Variants in NRROS observed in about 807,000 individuals in gnomAD.
NRROS encodes the protein negative regulator of reactive oxygen species.
In NRROS, 6 loss-of-function variants were observed where a neutral mutation model predicts 12.0. The observed-to-expected ratio is 0.50, with a 90% confidence interval of 0.27 to 0.98. NRROS has a LOEUF of 0.98. Among genes scored for constraint, NRROS ranks in the 50% least tolerant of loss-of-function variants. NRROS has a pLI of 0.11. For synonymous variants in NRROS, 462 were observed against 410.2 expected, an observed-to-expected ratio of 1.13 and a Z score of -1.53; for missense variants, 857 against 888.2, an observed-to-expected ratio of 0.96 and a Z score of 0.45.
At chr3:196,640,964 C>T (rs534555642) in intron 1 of NRROS, among the ~76,000 whole-genome samples, 1 of 152,312 alleles carries the variant, frequency 6.6e-6, no homozygotes, top group East Asian at 1.9e-4. Context: ...CACCTGCCGG[C>T]TGTGACACAC....
At chr3:196,652,072 C>T (rs528327278) in intron 1 of NRROS, among the ~76,000 whole-genome samples, 1 of 152,342 alleles carries the variant, frequency 6.6e-6, no homozygotes, top group Admixed American at 6.5e-5. Flanking sequence ...GAAGGCGCAG[C>T]TCTGGGGACA....
rs371259559 is a variant in NRROS, at chr3:196,659,990, G to C, written c.347G>C (p.Cys116Ser). ...HLRSLVLGDN[C>S]LSENYEETAA... is the part of the protein sequence containing the mutation. The stretch of plus-strand genomic sequence containing the variant: ...CGCAGCCTGGTCCTGGGGGACAACT[G>C]CCTCTCAGAGAACTACGAAGAGACG... Residue 116 changes from cysteine to serine, a missense_variant, in exon 3 of 3, where the codon TGC becomes TCC. Coordinates refer to ENST00000328557, the MANE Select transcript of NRROS (RefSeq NM_198565.3). The C allele has an allele frequency of 3.7e-5, 59 of 1,613,558 alleles. No individual in the cohort carries two copies. The highest frequency in any genetic ancestry group is 4.4e-5 in the Non-Finnish European group (52 of 1,179,868).
chr3:196,660,525 G>A lies in NRROS; in HGVS notation c.882G>A (p.Ser294=), dbSNP rs774225249. ...TCTACCGGGACCTGTACAACACCTC[G>A]TCGCCGAGGGAGATGGTGGCCCAGT... The part of the protein sequence containing the change: ...MGFYRDLYNT[S]SPREMVAQFL... Residue 294 remains serine, a synonymous_variant, in exon 3 of 3, where the codon TCG becomes TCA. Transcript: ENST00000328557. This position sits in a 1 kb window ranked among gnomAD's most constrained non-coding sequence, Gnocchi z 7.7. The A allele has an allele frequency of 6.5e-5, 105 of 1,613,956 alleles. No homozygotes were observed. The highest frequency in any genetic ancestry group is 1.9e-4 in the South Asian group (17 of 91,078).
intron 1 of NRROS, among the ~76,000 whole-genome samples, chr3:196,649,600 T>C (rs1436331127): frequency 6.6e-6 from 1 of 152,030 alleles, no homozygotes; most frequent in East Asian, 1.9e-4. Context: ...GCCTCCCGAG[T>C]AGCTGGGACT....
At chr3:196,657,566 G>T (rs527909623) in intron 2 of NRROS, among the ~76,000 whole-genome samples, 2 of 152,166 alleles carry the variant, frequency 1.3e-5, no homozygotes, top group African/African-American at 2.4e-5. Flanking sequence ...AATTAGCCCG[G>T]TGTGGTGGTG....
At chr3:196,642,718 G>A (rs1349002466) in intron 1 of NRROS, among the ~76,000 whole-genome samples, 1 of 152,164 alleles carries the variant, frequency 6.6e-6, no homozygotes, top group Admixed American at 6.6e-5. Flanking sequence ...AAGGGGGTTG[G>A]TTGCACAGCC....
chr3:196,649,143 A>C (rs912388994), intron 1 of NRROS, among the ~76,000 whole-genome samples: 5 of 152,216 alleles, frequency 3.3e-5, no homozygotes, highest in Admixed American at 3.3e-4. Context: ...TTTGCTAAGA[A>C]TCAGAGGGAC....
At chr3:196,641,215 T>A (rs571813317) in intron 1 of NRROS, among the ~76,000 whole-genome samples, 32 of 151,574 alleles carry the variant, frequency 2.1e-4, no homozygotes, top group South Asian at 6.2e-4. Flanking sequence ...ATATATATAT[T>A]TATTTATTTA....
rs1396126212 is a variant in NRROS at position 196,661,966 on chromosome 3, TA to T, written c.*248del. 2.2e-5 allele frequency: 8 copies of T among 372,058 alleles called. No homozygotes were observed. The highest frequency in any genetic ancestry group is 1.4e-4 in the Admixed American group (3 of 21,172). 23.0% of individuals were successfully genotyped at this position (372,058 alleles called of 1,614,324 possible). Reference sequence around the variant, plus strand: ...ATTTATTAAGTGACTTTTTCAGAAATAAAAGGCAACGTGTCTCATAAATATT... The same window carrying T: ...ATTTATTAAGTGACTTTTTCAGAAATAAAGGCAACGTGTCTCATAAATATT... On this transcript the variant is annotated 3_prime_UTR_variant, in exon 3 of 3. Coordinates refer to ENST00000328557, the MANE Select transcript of NRROS (RefSeq NM_198565.3).
chr3:196,660,502 T>TA lies in NRROS; in HGVS notation c.860dup (p.Tyr287Ter), dbSNP rs1201470251. 6.2e-7 allele frequency: 1 copy of TA among 1,614,126 alleles called. No homozygotes were observed. The highest frequency in any genetic ancestry group is 8.5e-7 in the Non-Finnish European group (1 of 1,180,034). The part of the protein sequence containing the change: ...LLLRDNNMGF[Y>*]RDLYNTSSPR... ...GCTGCGCGACAACAACATGGGCTTC[T>TA]ACCGGGACCTGTACAACACCTCGTC... The change falls in exon 3 of 3, where the codon TAC becomes TAAC. Residue 287 changes from tyrosine to a stop codon, truncating the protein, a stop_gained and frameshift_variant. Coordinates refer to ENST00000328557, the MANE Select transcript of NRROS (RefSeq NM_198565.3). LOFTEE classifies it high-confidence loss of function. This position sits in a 1 kb window ranked among gnomAD's most constrained non-coding sequence, Gnocchi z 7.7.
chr3:196,660,741 G>A lies in NRROS; in HGVS notation c.1098G>A (p.Thr366=). 1.2e-6 allele frequency: 2 copies of A among 1,614,016 alleles called. No individual in the cohort carries two copies. The highest frequency in any genetic ancestry group is 1.7e-6 in the Non-Finnish European group (2 of 1,180,030). Residue 366 remains threonine (T), a synonymous_variant, in exon 3 of 3, where the codon ACG becomes ACA. Transcript: ENST00000328557. The surrounding 1 kb of genome is among the most constrained non-coding windows in gnomAD (Gnocchi z 7.7). Reference sequence around the variant, plus strand: ...ACCTCCACCAGAATTGCCTGATGACGCTTCACATTCGGGAGCACGAGCCCC... The same window carrying A: ...ACCTCCACCAGAATTGCCTGATGACACTTCACATTCGGGAGCACGAGCCCC... ...HLNLHQNCLM[T]LHIREHEPPG...
chr3:196,646,656 A>T (rs1737318385), intron 1 of NRROS, among the ~76,000 whole-genome samples: 1 of 152,186 alleles, frequency 6.6e-6, no homozygotes, highest in African/African-American at 2.4e-5. Context: ...GGCTCCTCAC[A>T]CTGGCTGTCT....
rs762845912 is a variant in NRROS, at chr3:196,654,959, G to A, written c.108+312G>A. 39 of 290,166 alleles carry A rather than the reference G, an allele frequency of 1.3e-4. No homozygotes were observed. Among genetic ancestry groups the A allele is most frequent in the Non-Finnish European group, 2.1e-4 (33 of 154,936 alleles). The allele number at this position is 290,166 out of a possible 1,614,324, so 18.0% of individuals were successfully genotyped here. ...GTTAAAAATCTGGATGATTCAGGCC[G>A]GGTGCAGTGGCTCAGGCCTGTAATC... On this transcript the variant is annotated intron_variant, in intron 2 of 2. Transcript: ENST00000328557. The surrounding 1 kb of genome is among the most constrained non-coding windows in gnomAD (Gnocchi z 4.4).
intron 1 of NRROS, among the ~76,000 whole-genome samples, chr3:196,647,856 G>A (rs1433949561): frequency 6.6e-6 from 1 of 151,996 alleles, no homozygotes; most frequent in Non-Finnish European, 1.5e-5. Flanking sequence ...ACTGCGCCCA[G>A]CCACCTGGCT....
intron 1 of NRROS, among the ~76,000 whole-genome samples, chr3:196,643,259 G>C (rs1166251166): frequency 6.6e-6 from 1 of 152,216 alleles, no homozygotes; most frequent in South Asian, 2.1e-4. Context: ...AGCGAACGGA[G>C]TCAGGTGCTG....
At chr3:196,645,885 C>A (rs1737299256) in intron 1 of NRROS, among the ~76,000 whole-genome samples, 1 of 152,192 alleles carries the variant, frequency 6.6e-6, no homozygotes, top group South Asian at 2.1e-4. Flanking sequence ...AGCTCCTTCT[C>A]CTTCACTGTA....
chr3:196,648,968 G>A (rs149068497), intron 1 of NRROS, among the ~76,000 whole-genome samples: 202 of 152,206 alleles, frequency 1.3e-3, no homozygotes, highest in African/African-American at 4.7e-3. Context: ...TCTGTCAGAG[G>A]CTTTCCTCAT....
chr3:196,660,194 G>C lies in NRROS; in HGVS notation c.551G>C (p.Arg184Pro). ...DSVFEGLERL[R>P]ELDLQRNYIF... ...GTCTTCGAGGGCCTGGAGCGTCTCCGGGAGCTGGATCTGCAGAGGAACTAC... is the reference window on the plus strand; with the variant it reads ...GTCTTCGAGGGCCTGGAGCGTCTCCCGGAGCTGGATCTGCAGAGGAACTAC... The change falls in exon 3 of 3, where the codon CGG (arginine) becomes CCG (proline). Residue 184 changes from arginine to proline, a missense_variant. By Grantham distance (103) the Arg-to-Pro change is moderately radical. Coordinates refer to ENST00000328557, the MANE Select transcript of NRROS (RefSeq NM_198565.3). The surrounding 1 kb of genome is among the most constrained non-coding windows in gnomAD (Gnocchi z 7.7). 6.2e-7 allele frequency: 1 copy of C among 1,613,142 alleles called. No individual in the cohort carries two copies. Among genetic ancestry groups the C allele is most frequent in the East Asian group, 2.2e-5 (1 of 44,890 alleles).
intron 1 of NRROS, among the ~76,000 whole-genome samples, chr3:196,643,034 T>C (rs533825930): frequency 1.8e-4 from 27 of 148,690 alleles, no homozygotes; most frequent in African/African-American, 6.7e-4. Context: ...GATTGTGCCA[T>C]TGCACTCCAG....
Sources: gnomAD v4.1 joint callset for allele counts (sites outside exome capture counted in the v4.1 genomes callset) on GRCh38, gnomAD v4.1.1 for gene constraint, Gnocchi (gnomAD v3.1) non-coding constraint, MANE v1.5 for transcripts, NCBI Gene and HGNC (gene_info 2026-07-23, HGNC 2026-07-21) for gene names.